The following SLC7A8 variants were observed in gnomAD, a reference collection of about 807,000 sequenced individuals.
The protein encoded by SLC7A8 is solute carrier family 7 member 8, also known as large neutral amino acids transporter small subunit 2.
SLC7A8 carries 30 observed loss-of-function variants against 51.2 expected under a neutral mutation model. The ratio of observed to expected loss-of-function variants is 0.59; its 90% CI spans 0.44 to 0.80. SLC7A8 has a LOEUF of 0.80. Ranked by LOEUF, SLC7A8 falls within the 30% of genes least tolerant of loss-of-function variation. SLC7A8 has a pLI of 0.00. For synonymous variants in SLC7A8, 257 were observed against 275.8 expected (o/e 0.93, Z 0.67); for missense variants, 612 against 674.4 (o/e 0.91, Z 1.03).
intron 7 of SLC7A8, among the ~76,000 whole-genome samples, chr14:23,132,297 T>C (rs527441511): frequency 1.3e-4 from 20 of 151,854 alleles, no homozygotes; most frequent in Non-Finnish European, 2.2e-4. Flanking sequence ...CCACCGCGCC[T>C]GGCCTAAAAA....
chr14:23,134,047 C>T (rs1212109936), intron 7 of SLC7A8, among the ~76,000 whole-genome samples: 1 of 151,938 alleles, frequency 6.6e-6, no homozygotes, highest in Non-Finnish European at 1.5e-5. Context: ...CTCAAATGAT[C>T]CTCCTGTCTC....
chr14:23,130,055 G>T, intron 8 of SLC7A8: 2 of 444,532 alleles, frequency 4.5e-6, no homozygotes, highest in Non-Finnish European at 4.0e-6. Flanking sequence ...CAATTAGAAT[G>T]GATACTGGAC....
intron 8 of SLC7A8, 200 bp from the exon 9 acceptor site, chr14:23,129,999 G>A (rs934867292): frequency 1.0e-5 from 6 of 581,038 alleles, no homozygotes; most frequent in South Asian, 2.3e-5. Flanking sequence ...TTATTACAGG[G>A]GTGATGATCA....
At chr14:23,140,023 A>C (rs907779411) in intron 5 of SLC7A8, among the ~76,000 whole-genome samples, 2 of 152,112 alleles carry the variant, frequency 1.3e-5, no homozygotes, top group African/African-American at 4.8e-5. Flanking sequence ...AAACAAAACA[A>C]AAGAAAAAAT....
At position 23,165,266 on chromosome 14, in the gene SLC7A8, A is replaced by C; in HGVS notation, c.508+19T>G. ...AATAAAAGAGGCTGTCTTGCTACCA[A>C]GACCCAGATGACACTTACATAAGCA... On this transcript the variant is annotated intron_variant, in intron 3 of 10. Transcript: ENST00000316902. The surrounding 1 kb of genome is among the most constrained non-coding windows in gnomAD (Gnocchi z 4.2). The C allele has an allele frequency of 6.2e-7, 1 of 1,601,642 alleles. No individual in the cohort carries two copies. Among genetic ancestry groups the C allele is most frequent in the East Asian group, 2.3e-5 (1 of 43,512 alleles).
Position 23,129,767 on chromosome 14 carries a change from G to T in SLC7A8, c.1146C>A (p.Ser382Arg). Residue 382 changes from serine to arginine, a missense_variant, in exon 9 of 11, where the codon AGC (serine) becomes AGA (arginine). Physicochemically the swap from Ser to Arg is moderately radical, Grantham distance 110. Coordinates refer to ENST00000316902, the MANE Select transcript of SLC7A8 (RefSeq NM_012244.4). ...CATAGTTGATGAGTGTGTACATGTC[G>T]CTGGTGACCAGCATCAGCAGGGTGG... ...CISTLLMLVT[S>R]DMYTLINYVG... 4 of 1,614,028 alleles carry T rather than the reference G, an allele frequency of 2.5e-6. No homozygotes were observed. The highest frequency in any genetic ancestry group is 3.4e-6 in the Non-Finnish European group (4 of 1,179,966).
rs140132852 is a variant in SLC7A8 at position 23,131,157 on chromosome 14, A to G, written c.1113+304T>C. On this transcript the variant is annotated intron_variant, in intron 8 of 10. Transcript: ENST00000316902. ...AGGTGCGAGGAGAGCCAAGGGAGAT[A>G]TATTTTTTTTGAGGCTGTAGAATCC... 4.3e-3 allele frequency among the ~76,000 whole-genome samples: 651 copies of G among 152,288 alleles called. 3 individuals are homozygous for G. The highest frequency in any genetic ancestry group is 0.016 in the South Asian group (75 of 4,828).
intron 3 of SLC7A8, among the ~76,000 whole-genome samples, chr14:23,158,701 G>A (rs1043882819): frequency 6.6e-5 from 10 of 152,140 alleles, no homozygotes; most frequent in African/African-American, 1.4e-4. Context: ...AAGTTGAAAC[G>A]TATTTCATTT....
At chr14:23,179,816 A>AAAAG (rs756699235) in intron 1 of SLC7A8, among the ~76,000 whole-genome samples, 8 of 152,238 alleles carry the variant, frequency 5.3e-5, no homozygotes, top group African/African-American at 9.6e-5. Context: ...TCTCAGAAAA[A>AAAAG]AAAGAAAGAA....
At position 23,182,867 on chromosome 14, in the gene SLC7A8, T is replaced by A; in HGVS notation, c.48A>T (p.Pro16=). Residue 16 remains proline, a synonymous_variant, in exon 1 of 11, where the codon CCA becomes CCT. Transcript: ENST00000316902. ...GGCTGGCGTCCGACTCGCCCCCACC[T>A]GGGTGTTTCTTTTCGGTGTTGTTTC... is the stretch of plus-strand genomic sequence containing the variant. The part of the protein sequence containing the change: ...RHRNNTEKKH[P]GGGESDASPE... 6.2e-7 allele frequency: 1 copy of A among 1,614,166 alleles called. No homozygotes were observed.
chr14:23,134,308 G>A (rs536565907), intron 7 of SLC7A8, among the ~76,000 whole-genome samples: 9 of 151,544 alleles, frequency 5.9e-5, no homozygotes, highest in South Asian at 2.1e-4. Flanking sequence ...GTGGTAGAGC[G>A]TGCCTGTAGT....
intron 1 of SLC7A8, among the ~76,000 whole-genome samples, chr14:23,181,393 C>T (rs1043750983): frequency 1.3e-5 from 2 of 149,270 alleles, no homozygotes; most frequent in African/African-American, 5.0e-5. Flanking sequence ...TGGAAAACTT[C>T]CCAGAGTCAG....
Position 23,139,549 on chromosome 14 carries a change from T to C in SLC7A8, c.789-2A>G. 6.2e-7 allele frequency: 1 copy of C among 1,612,740 alleles called. No homozygotes were observed. Among genetic ancestry groups the C allele is most frequent in the East Asian group, 2.2e-5 (1 of 44,852 alleles). Reference sequence around the variant, plus strand: ...ATGAAGATGGCTCTGGGAAGGTTCCTGTAGAGGGAGAGGAGGTGAGGGGAA... The same window carrying C: ...ATGAAGATGGCTCTGGGAAGGTTCCCGTAGAGGGAGAGGAGGTGAGGGGAA... On this transcript the variant is annotated splice_acceptor_variant, in intron 5 of 10. Coordinates refer to ENST00000316902, the MANE Select transcript of SLC7A8 (RefSeq NM_012244.4). LOFTEE classifies it high-confidence loss of function.
At chr14:23,132,378 C>G (rs1183468636) in intron 7 of SLC7A8, among the ~76,000 whole-genome samples, 2 of 152,022 alleles carry the variant, frequency 1.3e-5, no homozygotes, top group African/African-American at 2.4e-5. Context: ...GAAATGTTCT[C>G]TATCTTGTTT....
At chr14:23,153,727 C>T (rs946430488) in intron 3 of SLC7A8, among the ~76,000 whole-genome samples, 1 of 152,156 alleles carries the variant, frequency 6.6e-6, no homozygotes, top group Non-Finnish European at 1.5e-5. Flanking sequence ...CACATGTTCC[C>T]TCCAAACTCC....
In SLC7A8 at chr14:23,128,255, G is replaced by A. The variant is rs2048598570; in HGVS notation, c.1264-59C>T. ...GTAGGCCACGTGGCCCCCAGGACTAGGGACTGGGGCATTCTCTCTCTTCTT... is the reference window on the plus strand; with the variant it reads ...GTAGGCCACGTGGCCCCCAGGACTAAGGACTGGGGCATTCTCTCTCTTCTT... On this transcript the variant is annotated intron_variant, in intron 9 of 10. Coordinates refer to ENST00000316902, the MANE Select transcript of SLC7A8 (RefSeq NM_012244.4). The surrounding 1 kb of genome is among the most constrained non-coding windows in gnomAD (Gnocchi z 4.3). 5 of 1,601,710 alleles carry A rather than the reference G, an allele frequency of 3.1e-6. No individual in the cohort carries two copies. The highest frequency in any genetic ancestry group is 4.3e-6 in the Non-Finnish European group (5 of 1,174,248).
Position 23,165,739 on chromosome 14 carries a change from CA to C in SLC7A8, c.357-304del, listed in dbSNP as rs991183406. Among the ~76,000 whole-genome samples the C allele has an allele frequency of 6.6e-6, 1 of 152,166 alleles. No individual in the cohort carries two copies. Among genetic ancestry groups the C allele is most frequent in the Non-Finnish European group, 1.5e-5 (1 of 68,028 alleles). On this transcript the variant is annotated intron_variant, in intron 2 of 10. Transcript: ENST00000316902. This position sits in a 1 kb window ranked among gnomAD's most constrained non-coding sequence, Gnocchi z 4.2. ...TCCAATGGTGGAAAAACAAAATTTG[CA>C]ACCCCAGAATGTTGATAGACAGGAC...
chr14:23,147,990 G>T (rs1452228204), intron 3 of SLC7A8, among the ~76,000 whole-genome samples: 4 of 152,140 alleles, frequency 2.6e-5, no homozygotes, highest in Admixed American at 2.6e-4. Flanking sequence ...TGGAGGGCTG[G>T]GTTCCCTACA....
Position 23,127,198 on chromosome 14 carries a change from C to T in SLC7A8, c.1587G>A (p.Val529=). The part of the protein sequence containing the change: ...YQPTPTKDKD[V]AGQPQP ...GTCCTCAGGGCTGGGGCTGCCCCGC[C>T]ACGTCCTTGTCCTTCGTGGGAGTGG... Residue 529 remains valine, a synonymous_variant, in exon 11 of 11, where the codon GTG becomes GTA. Coordinates refer to ENST00000316902, the MANE Select transcript of SLC7A8 (RefSeq NM_012244.4). 1 of 1,614,100 alleles carries T rather than the reference C, an allele frequency of 6.2e-7. No homozygotes were observed.
Sources: allele counts gnomAD v4.1 joint callset (sites outside exome capture counted in the v4.1 genomes callset), GRCh38; gene constraint gnomAD v4.1.1; non-coding constraint Gnocchi (gnomAD v3.1); transcripts MANE v1.5; gene names NCBI Gene and HGNC (gene_info 2026-07-23, HGNC 2026-07-21).